Variants in PATL1 observed in about 807,000 individuals in gnomAD.
PATL1 encodes PAT1 homolog 1, processing body mRNA decay factor, also known as protein PAT1 homolog 1.
Under a neutral mutation model 100.6 loss-of-function variants are expected in PATL1, and 32 were observed. The ratio of observed to expected loss-of-function variants is 0.32; its 90% CI spans 0.24 to 0.43. The LOEUF (loss-of-function observed/expected upper bound fraction) is 0.43. Among genes scored for constraint, PATL1 ranks in the 20% least tolerant of loss-of-function variants. The probability of loss-of-function intolerance (pLI) is 1.00; values close to 1 mark genes in which losing one functional copy is unlikely to be tolerated. For synonymous variants in PATL1, 332 were observed against 330.0 expected, an observed-to-expected ratio of 1.01 and a Z score of -0.07; for missense variants, 747 against 949.9, an observed-to-expected ratio of 0.79 and a Z score of 2.81.
intron 14 of PATL1, among the ~76,000 whole-genome samples, chr11:59,648,738 A>G (rs1352141763): frequency 1.3e-5 from 2 of 152,224 alleles, no homozygotes; most frequent in Non-Finnish European, 1.5e-5. Flanking sequence ...ATGGCTGCAT[A>G]ACATCCAATC....
chr11:59,658,754 T>C (rs1236049623), intron 4 of PATL1, 112 bp downstream of exon 4: 33 of 776,740 alleles, frequency 4.2e-5, no homozygotes, highest in Non-Finnish European at 2.1e-6. Context: ...GTAGTCGACA[T>C]AATTCTAGCA....
In PATL1 at chr11:59,668,344, C is replaced by T. The variant is rs80117447; in HGVS notation, c.15+537G>A. 9.1e-4 allele frequency among the ~76,000 whole-genome samples: 139 copies of T among 152,302 alleles called. 4 individuals carry two copies. The East Asian group carries it at 0.025, about 28-fold the overall frequency. On this transcript the variant is annotated intron_variant, in intron 1 of 18. Coordinates refer to ENST00000300146, the MANE Select transcript of PATL1 (RefSeq NM_152716.3). ...AGAAGGAACTTCTGCAGGACACGCCCCCCTCCCAACTCGGAGCCCTCTTTA... is the reference window on the plus strand; with the variant it reads ...AGAAGGAACTTCTGCAGGACACGCCTCCCTCCCAACTCGGAGCCCTCTTTA...
chr11:59,659,082 A>C (rs1478054540), intron 3 of PATL1, 136 bp from the exon 4 acceptor site: 2 of 1,003,230 alleles, frequency 2.0e-6, no homozygotes, highest in African/African-American at 1.7e-5. Flanking sequence ...CAGAATATAC[A>C]TTATTCCCCA....
rs922883117 is a variant in PATL1, at chr11:59,638,150, T to C, written c.*240A>G. The C allele has an allele frequency of 3.5e-6, 2 of 568,022 alleles. No homozygotes were observed. Among genetic ancestry groups the C allele is most frequent in the Admixed American group, 3.0e-5 (1 of 33,002 alleles). 35.2% of individuals were successfully genotyped at this position (568,022 alleles called of 1,614,324 possible). On this transcript the variant is annotated 3_prime_UTR_variant, in exon 19 of 19. Coordinates refer to ENST00000300146, the MANE Select transcript of PATL1 (RefSeq NM_152716.3). ...AACAGAACTGAGTAAAAGTAGGACA[T>C]GCAGAACTGTAACACAGAAGGTAAA...
intron 1 of PATL1, among the ~76,000 whole-genome samples, chr11:59,667,952 C>T (rs1387072398): frequency 2.6e-5 from 4 of 152,162 alleles, no homozygotes; most frequent in African/African-American, 9.7e-5. Flanking sequence ...ATACACCTTG[C>T]CTGGCTACCT....
At chr11:59,641,688 G>A (rs566821703) in intron 16 of PATL1, among the ~76,000 whole-genome samples, 2 of 152,000 alleles carry the variant, frequency 1.3e-5, no homozygotes, top group Non-Finnish European at 2.9e-5. Context: ...AGGAGGCAGA[G>A]GTTGCAGTGA....
In PATL1 at chr11:59,651,651, C is replaced by CA. The variant is rs747703894; in HGVS notation, c.1427-11dup. On this transcript the variant is annotated splice_polypyrimidine_tract_variant and intron_variant, in intron 11 of 18. Transcript: ENST00000300146. ...GAGCCCTCAAATTGCACTGCAAAGA[C>CA]AAAAAAAAAAAAAATTCCAACAAAA... is the stretch of plus-strand genomic sequence containing the variant. The CA allele has an allele frequency of 0.13, 155,120 of 1,169,228 alleles. 1,272 individuals carry two copies. The highest frequency in any genetic ancestry group is 0.23 in the African/African-American group (13,788 of 59,502). 72.4% of individuals were successfully genotyped at this position (1,169,228 alleles called of 1,614,324 possible). A position where few individuals can be genotyped will look rare whatever the true frequency, so the allele number is the denominator to read the frequency against.
intron 7 of PATL1, 76 bp from the exon 8 acceptor site, chr11:59,655,816 G>T: frequency 7.0e-7 from 1 of 1,422,678 alleles, no homozygotes; most frequent in Non-Finnish European, 9.7e-7. Context: ...AAGTGAATAC[G>T]GTTTTCCATC....
At chr11:59,667,401 C>T (rs931792049) in intron 1 of PATL1, among the ~76,000 whole-genome samples, 1 of 152,124 alleles carries the variant, frequency 6.6e-6, no homozygotes, top group Non-Finnish European at 1.5e-5. Context: ...ATCTTTTCAA[C>T]TATTATTCCG....
intron 8 of PATL1, among the ~76,000 whole-genome samples, chr11:59,655,157 CGT>C (rs1045145620): frequency 4.3e-4 from 65 of 152,292 alleles, no homozygotes; most frequent in African/African-American, 1.5e-3. Flanking sequence ...TACTGGTTCT[CGT>C]GTGTCTCTTG....
At chr11:59,655,048 G>C (rs1458124792) in intron 8 of PATL1, among the ~76,000 whole-genome samples, 3 of 152,146 alleles carry the variant, frequency 2.0e-5, no homozygotes, top group African/African-American at 7.2e-5. Context: ...CTTGCCTGCT[G>C]GTCTGTCTTA....
rs1861699688 is a variant in PATL1, at chr11:59,666,981, G to A, written c.16-17C>T. ...CTCCAAAGACTAAAAAAAAAGAAAA[G>A]ACATTAGTTATTCATGAAATTCACA... On this transcript the variant is annotated splice_polypyrimidine_tract_variant and intron_variant, in intron 1 of 18. Transcript: ENST00000300146. 1.3e-6 allele frequency: 2 copies of A among 1,532,506 alleles called. No individual in the cohort carries two copies. Among genetic ancestry groups the A allele is most frequent in the African/African-American group, 2.8e-5 (2 of 71,872 alleles). The allele number at this position is 1,532,506 out of a possible 1,614,324, so 94.9% of individuals were successfully genotyped here. A position where few individuals can be genotyped will look rare whatever the true frequency, so the allele number is the denominator to read the frequency against.
intron 2 of PATL1, among the ~76,000 whole-genome samples, chr11:59,663,728 A>G (rs1861654762): frequency 6.6e-6 from 1 of 152,254 alleles, no homozygotes; most frequent in African/African-American, 2.4e-5. Flanking sequence ...CATGCAGAAG[A>G]CTAGTTTCTT....
chr11:59,659,960 G>A (rs896970887), intron 2 of PATL1, among the ~76,000 whole-genome samples: 2 of 152,154 alleles, frequency 1.3e-5, no homozygotes, highest in Non-Finnish European at 2.9e-5. Context: ...CTTTTTATAA[G>A]TAAAAGCAAA....
chr11:59,658,260 A>G (rs1861567990), intron 4 of PATL1, among the ~76,000 whole-genome samples: 1 of 151,702 alleles, frequency 6.6e-6, no homozygotes, highest in African/African-American at 2.4e-5. Flanking sequence ...GCCTCCTGCC[A>G]TGTCCAACCA....
chr11:59,666,370 G>A (rs1403498475), intron 2 of PATL1, among the ~76,000 whole-genome samples: 1 of 152,060 alleles, frequency 6.6e-6, no homozygotes, highest in African/African-American at 2.4e-5. Flanking sequence ...GCTATAAAAA[G>A]CTTTATATTT....
At chr11:59,642,019 A>T (rs1310200929) in intron 16 of PATL1, among the ~76,000 whole-genome samples, 1 of 152,126 alleles carries the variant, frequency 6.6e-6, no homozygotes, top group Admixed American at 6.5e-5. Context: ...ACTACTATGT[A>T]CCAGGCATTA....
chr11:59,654,113 G>T (rs1176064497), intron 8 of PATL1, 41 bp from the exon 9 acceptor site: 2 of 1,516,706 alleles, frequency 1.3e-6, no homozygotes, highest in South Asian at 2.2e-5. Flanking sequence ...TGGTCATCCT[G>T]ATGACTTGAA....
At chr11:59,663,697 A>T (rs1054921646) in intron 2 of PATL1, among the ~76,000 whole-genome samples, 2 of 152,206 alleles carry the variant, frequency 1.3e-5, no homozygotes, top group African/African-American at 4.8e-5. Context: ...TTATTGCTCT[A>T]AGATGATGCA....
Sources: allele counts gnomAD v4.1 joint callset (sites outside exome capture counted in the v4.1 genomes callset), GRCh38; gene constraint gnomAD v4.1.1; transcripts MANE v1.5; gene names NCBI Gene and HGNC (gene_info 2026-07-23, HGNC 2026-07-21).